Variants in PCDHGA9 observed in about 807,000 individuals in gnomAD.
PCDHGA9 encodes protocadherin gamma-A9.
In PCDHGA9, 37 loss-of-function variants were observed where a neutral mutation model predicts 62.5. The observed-to-expected ratio is 0.59, with a 90% CI of 0.46 to 0.78. PCDHGA9 has a LOEUF of 0.78. Among genes scored for constraint, PCDHGA9 ranks in the 30% least tolerant of loss-of-function variants. PCDHGA9 has a pLI of 0.00. For synonymous variants in PCDHGA9, 459 were observed against 484.6 expected (o/e 0.95, Z 0.69); for missense variants, 1,138 against 1,166.2 (o/e 0.98, Z 0.35).
intron 3 of PCDHGA9, among the ~76,000 whole-genome samples, chr5:141,506,473 G>A (rs976701500): frequency 2.7e-4 from 40 of 150,506 alleles, no homozygotes; most frequent in Admixed American, 1.5e-3. Flanking sequence ...AAAGAGCACA[G>A]GCTTTAGAGG....
At position 141,489,318 on chromosome 5, in the gene PCDHGA9, G is replaced by T; in HGVS notation, c.2425-5489G>T. On this transcript the variant is annotated intron_variant, in intron 1 of 3. Coordinates refer to ENST00000573521, the MANE Select transcript of PCDHGA9 (RefSeq NM_018921.3). The surrounding 1 kb of genome is among the most constrained non-coding windows in gnomAD (Gnocchi z 4.5). ...TGTTGTCCTTGTGCTGCTGGGGCTG[G>T]GTGTCTGGGCAGCTTCGTTACTCAG... The T allele has an allele frequency of 6.3e-7, 1 of 1,599,092 alleles. No homozygotes were observed. Among genetic ancestry groups the T allele is most frequent in the Non-Finnish European group, 8.5e-7 (1 of 1,171,660 alleles).
intron 1 of PCDHGA9, 124 bp from the exon 2 acceptor site, chr5:141,494,683 C>G: frequency 6.4e-7 from 1 of 1,569,074 alleles, no homozygotes; most frequent in Non-Finnish European, 8.7e-7. Context: ...CCCCTGCCCC[C>G]TCTTAGTCCG....
rs779735897 is a variant in PCDHGA9 at position 141,422,336 on chromosome 5, TA to T, written c.2424+16963del. 34 of 1,550,032 alleles carry T rather than the reference TA, an allele frequency of 2.2e-5. No individual in the cohort carries two copies. The East Asian group carries it at 7.2e-4, about 33-fold the overall frequency. On this transcript the variant is annotated intron_variant, in intron 1 of 3. Coordinates refer to ENST00000573521, the MANE Select transcript of PCDHGA9 (RefSeq NM_018921.3). ...CCTCCAGGTACAGTGATTGCTCTTC[TA>T]AATGTGCAAGATCAAGATTCTGGAG... is the stretch of plus-strand genomic sequence containing the variant.
chr5:141,455,492 T>G (rs958076901), intron 1 of PCDHGA9, among the ~76,000 whole-genome samples: 10 of 152,188 alleles, frequency 6.6e-5, no homozygotes, highest in Non-Finnish European at 1.2e-4. Context: ...GGAGGTGATG[T>G]CTGATTTGCA....
chr5:141,419,122 C>T (rs1418298635), intron 1 of PCDHGA9: 2 of 1,613,862 alleles, frequency 1.2e-6, no homozygotes, highest in African/African-American at 1.3e-5. Flanking sequence ...ACAACGTCAC[C>T]ATCGCAGCCA....
chr5:141,422,677 C>G, intron 1 of PCDHGA9: 1 of 1,606,186 alleles, frequency 6.2e-7, no homozygotes, highest in Non-Finnish European at 8.5e-7. Context: ...GGACAGCAAA[C>G]AGAATGCCCT....
Position 141,491,300 on chromosome 5 carries a change from G to A in PCDHGA9, c.2425-3507G>A, listed in dbSNP as rs2099710472. On this transcript the variant is annotated intron_variant, in intron 1 of 3. Coordinates refer to ENST00000573521, the MANE Select transcript of PCDHGA9 (RefSeq NM_018921.3). This position sits in a 1 kb window ranked among gnomAD's most constrained non-coding sequence, Gnocchi z 6.9. ...GACTTCCTCATACACCCTCCTGAGC[G>A]TTCAGACCTTACCCTTTACCTCATT... 1 of 1,614,136 alleles carries A rather than the reference G, an allele frequency of 6.2e-7. No homozygotes were observed. The highest frequency in any genetic ancestry group is 1.1e-5 in the South Asian group (1 of 91,086).
Position 141,432,148 on chromosome 5 carries a change from G to C in PCDHGA9, c.2424+26772G>C. ...CCTCCTATTCCGCTTATATCCCAGA[G>C]AACAATCCCAGAGGAGTTTCCCTCG... On this transcript the variant is annotated intron_variant, in intron 1 of 3. Coordinates refer to ENST00000573521, the MANE Select transcript of PCDHGA9 (RefSeq NM_018921.3). The surrounding 1 kb of genome is among the most constrained non-coding windows in gnomAD (Gnocchi z 6.0). 6.2e-7 allele frequency: 1 copy of C among 1,614,002 alleles called. No individual in the cohort carries two copies. Among genetic ancestry groups the C allele is most frequent in the East Asian group, 2.2e-5 (1 of 44,876 alleles).
At chr5:141,495,800 C>T (rs1351461035) in intron 2 of PCDHGA9, among the ~76,000 whole-genome samples, 5 of 152,134 alleles carry the variant, frequency 3.3e-5, no homozygotes, top group Non-Finnish European at 7.3e-5. Context: ...CTCCTTTCAC[C>T]GTTTCCTAGC....
intron 3 of PCDHGA9, among the ~76,000 whole-genome samples, chr5:141,509,440 C>T (rs1036780108): frequency 2.0e-5 from 3 of 152,158 alleles, no homozygotes; most frequent in Non-Finnish European, 4.4e-5. Flanking sequence ...CTTGTTTCCT[C>T]CTCTCCCACC....
At chr5:141,415,573 G>A (rs375863243) in intron 1 of PCDHGA9, 68 of 1,613,906 alleles carry the variant, frequency 4.2e-5, no homozygotes, top group Non-Finnish European at 1.2e-5. Flanking sequence ...TTTGTTAGAT[G>A]ATTCGAAGTT....
chr5:141,423,006 T>A, intron 1 of PCDHGA9: 2 of 1,614,198 alleles, frequency 1.2e-6, no homozygotes, highest in Non-Finnish European at 1.7e-6. Context: ...CCAAGGTGGT[T>A]GCGGTGGACA....
chr5:141,452,494 T>C (rs1186924396), intron 1 of PCDHGA9, among the ~76,000 whole-genome samples: 2 of 152,192 alleles, frequency 1.3e-5, no homozygotes, highest in African/African-American at 4.8e-5. Flanking sequence ...CACACCCATA[T>C]TTATATTTGT....
chr5:141,511,031 A>G lies in PCDHGA9; in HGVS notation c.2657A>G (p.Gln886Arg). 6.2e-7 allele frequency: 1 copy of G among 1,614,244 alleles called. No individual in the cohort carries two copies. The highest frequency in any genetic ancestry group is 8.5e-7 in the Non-Finnish European group (1 of 1,180,034). ...SARYGPQFTL[Q>R]HVPDYRQNVY... Reference sequence around the variant, plus strand: ...CGCTACGGACCCCAGTTCACCCTGCAGCACGTGCCCGACTACCGCCAGAAT... The same window carrying G: ...CGCTACGGACCCCAGTTCACCCTGCGGCACGTGCCCGACTACCGCCAGAAT... The change falls in exon 4 of 4, where the codon CAG (glutamine) becomes CGG (arginine). Residue 886 changes from glutamine to arginine, a missense_variant. Gln to Arg is a conservative substitution (Grantham distance 43). Coordinates refer to ENST00000573521, the MANE Select transcript of PCDHGA9 (RefSeq NM_018921.3).
intron 1 of PCDHGA9, among the ~76,000 whole-genome samples, chr5:141,484,740 GA>G (rs1047805396): frequency 6.6e-6 from 1 of 150,760 alleles, no homozygotes; most frequent in Non-Finnish European, 1.5e-5. Context: ...GGTGTGTTAG[GA>G]AAAAAAATGT....
Position 141,462,764 on chromosome 5 carries a change from G to C in PCDHGA9, c.2425-32043G>C, listed in dbSNP as rs150842317. Among the ~76,000 whole-genome samples, 589 of 152,084 alleles carry C rather than the reference G, an allele frequency of 3.9e-3. 5 individuals are homozygous for C. Among genetic ancestry groups the C allele is most frequent in the Admixed American group, 0.011 (169 of 15,274 alleles). ...AATTCCTATGATGATTTTCTTCCTG[G>C]CTTGGGGTCATAATTTGTTGCTTAT... On this transcript the variant is annotated intron_variant, in intron 1 of 3. Transcript: ENST00000573521.
In PCDHGA9 at chr5:141,404,680, G is replaced by A. The variant is rs2094553624; in HGVS notation, c.1728G>A (p.Glu576=). The change falls in exon 1 of 4, where the codon GAG becomes GAA. Residue 576 remains glutamate (E), a synonymous_variant. Transcript: ENST00000573521. ...CCACTGATGGTTCTACTGGTGTGGA[G>A]CTGGCACCCCGCTCTGCAGAGCCTG... is the stretch of plus-strand genomic sequence containing the variant. The part of the protein sequence containing the change: ...ALPTDGSTGV[E]LAPRSAEPGY... 1.2e-6 allele frequency: 2 copies of A among 1,614,042 alleles called. No individual in the cohort carries two copies. The highest frequency in any genetic ancestry group is 1.7e-6 in the Non-Finnish European group (2 of 1,180,018).
chr5:141,508,183 A>G (rs1596134418), intron 3 of PCDHGA9: 1 of 152,336 alleles, frequency 6.6e-6, no homozygotes, highest in African/African-American at 2.4e-5. Context: ...GAGAGAAGGC[A>G]TCACCCCCAC....
At position 141,432,025 on chromosome 5, in the gene PCDHGA9, G is replaced by C. The variant is rs768627576; in HGVS notation, c.2424+26649G>C. 2 of 1,614,158 alleles carry C rather than the reference G, an allele frequency of 1.2e-6. No homozygotes were observed. The highest frequency in any genetic ancestry group is 3.3e-4 in the Middle Eastern group (2 of 6,062). ...AGGTTCCTAGCTACAACATCACAGTGACCGCCACTGACCGGGGAACCCCGC... is the reference window on the plus strand; with the variant it reads ...AGGTTCCTAGCTACAACATCACAGTCACCGCCACTGACCGGGGAACCCCGC... On this transcript the variant is annotated intron_variant, in intron 1 of 3. Transcript: ENST00000573521. The surrounding 1 kb of genome is among the most constrained non-coding windows in gnomAD (Gnocchi z 6.0).
Sources: allele counts gnomAD v4.1 joint callset (sites outside exome capture counted in the v4.1 genomes callset), GRCh38; gene constraint gnomAD v4.1.1; non-coding constraint Gnocchi (gnomAD v3.1); transcripts MANE v1.5; gene names NCBI Gene and HGNC (gene_info 2026-07-23, HGNC 2026-07-21).